NT5M: variants seen among roughly 807,000 people sequenced by gnomAD.
NT5M encodes 5'(3')-deoxyribonucleotidase, mitochondrial.
In NT5M, 22 loss-of-function variants were observed where a neutral mutation model predicts 22.2. That is an observed-to-expected ratio of 0.99 (90% CI 0.71 to 1.41). The LOEUF is 1.41. Among genes scored for constraint, NT5M ranks in the 40% most tolerant of loss-of-function variants. The pLI, the probability that NT5M is intolerant of heterozygous loss-of-function variation, is 0.00. For synonymous variants in NT5M, 167 were observed against 133.0 expected, an observed-to-expected ratio of 1.26 and a Z score of -1.76; for missense variants, 322 against 314.8, an observed-to-expected ratio of 1.02 and a Z score of -0.17.
chr17:17,336,549 CTTTTCTTTTTTT>C, intron 3 of NT5M, among the ~76,000 whole-genome samples: 1 of 145,686 alleles, frequency 6.9e-6, no homozygotes, highest in African/African-American at 2.5e-5. Flanking sequence ...ATTCTTTTTT[CTTTTCTTTTTTT>C]TTTTTTTTTG....
In NT5M at chr17:17,346,711, G is replaced by A. The variant is rs1375001061; in HGVS notation, c.545-94G>A. The stretch of plus-strand genomic sequence containing the variant: ...TTACAGAGGAAACAAGTTTTGGCAA[G>A]GCCAGATGCCTGCCTGGATACCCAG... On this transcript the variant is annotated intron_variant, in intron 4 of 4. Coordinates refer to ENST00000389022, the MANE Select transcript of NT5M (RefSeq NM_020201.4). The A allele has an allele frequency of 2.6e-6, 4 of 1,512,970 alleles. No homozygotes were observed. In the African/African-American group the frequency reaches 5.5e-5, roughly 21 times the overall value. The allele number at this position is 1,512,970 out of a possible 1,614,324, so 93.7% of individuals were successfully genotyped here.
intron 2 of NT5M, among the ~76,000 whole-genome samples, chr17:17,307,552 C>T (rs2048830958): frequency 4.5e-5 from 1 of 22,012 alleles, no homozygotes; most frequent in African/African-American, 1.1e-4. Flanking sequence ...CCAGCCTGGC[C>T]AACATGATGA....
intron 2 of NT5M, among the ~76,000 whole-genome samples, chr17:17,315,082 G>A (rs1331033187): frequency 1.3e-5 from 2 of 152,046 alleles, no homozygotes; most frequent in Admixed American, 1.3e-4. Flanking sequence ...CAAAATATTT[G>A]CCAAATGAAT....
chr17:17,345,133 A>T lies in NT5M; in HGVS notation c.544+225A>T, dbSNP rs184193693. On this transcript the variant is annotated intron_variant, in intron 4 of 4. Transcript: ENST00000389022. ...GGGTGCCAGCTCTAGGGTTAGCTTG[A>T]GGGGTGGCCTTGGGGAAGTCCCTTC... The T allele has an allele frequency of 3.0e-6, 3 of 995,864 alleles. No individual in the cohort carries two copies. The African/African-American group carries it at 4.9e-5, about 16-fold the overall frequency. 61.7% of individuals were successfully genotyped at this position (995,864 alleles called of 1,614,324 possible).
chr17:17,340,701 T>A (rs926771337), intron 3 of NT5M, among the ~76,000 whole-genome samples: 20 of 151,612 alleles, frequency 1.3e-4, no homozygotes, highest in African/African-American at 1.9e-4. Context: ...TTATTTTTGT[T>A]TTTTTAGTAG....
At chr17:17,307,403 C>T (rs1001459666) in intron 2 of NT5M, among the ~76,000 whole-genome samples, 10 of 151,478 alleles carry the variant, frequency 6.6e-5, no homozygotes, top group African/African-American at 2.4e-4. Flanking sequence ...GCAGGTGGAT[C>T]ACCTGAGGTC....
At chr17:17,323,273 C>T (rs1285695907) in intron 3 of NT5M, 28 bp downstream of exon 3, 2 of 1,599,064 alleles carry the variant, frequency 1.3e-6, no homozygotes, top group Non-Finnish European at 1.7e-6. Flanking sequence ...TCAGCTGAGC[C>T]CTTACCCCAT....
intron 3 of NT5M, among the ~76,000 whole-genome samples, chr17:17,343,965 G>A (rs2049702440): frequency 6.6e-6 from 1 of 152,170 alleles, no homozygotes; most frequent in South Asian, 2.1e-4. Context: ...ACCCCTGGCT[G>A]CACTGGGGTG....
intron 1 of NT5M, among the ~76,000 whole-genome samples, chr17:17,306,227 G>A (rs1489642053): frequency 6.6e-6 from 1 of 152,064 alleles, no homozygotes; most frequent in Non-Finnish European, 1.5e-5. Flanking sequence ...TTGGCCACTC[G>A]AATCCAGCCT....
At chr17:17,336,464 T>G (rs2145417334) in intron 3 of NT5M, among the ~76,000 whole-genome samples, 1 of 152,264 alleles carries the variant, frequency 6.6e-6, no homozygotes, top group East Asian at 1.9e-4. Flanking sequence ...TGTATAGCCC[T>G]TTCTGTGCCT....
intron 4 of NT5M, among the ~76,000 whole-genome samples, chr17:17,345,755 G>A (rs775523546): frequency 6.6e-6 from 1 of 152,132 alleles, no homozygotes; most frequent in Non-Finnish European, 1.5e-5. Context: ...AGGCTGCAGC[G>A]AGCTGTGATT....
chr17:17,305,921 T>G (rs1248427738), intron 1 of NT5M, among the ~76,000 whole-genome samples: 3 of 152,140 alleles, frequency 2.0e-5, no homozygotes, highest in Non-Finnish European at 2.9e-5. Context: ...TGAGCCTCAG[T>G]TTTCTGACAT....
chr17:17,335,264 A>ATT (rs760152460), intron 3 of NT5M, among the ~76,000 whole-genome samples: 1 of 148,310 alleles, frequency 6.7e-6, no homozygotes, highest in South Asian at 2.1e-4. Flanking sequence ...AATACAAGTG[A>ATT]TTTTTTTTTT....
At chr17:17,338,328 G>A (rs2049561684) in intron 3 of NT5M, among the ~76,000 whole-genome samples, 1 of 152,120 alleles carries the variant, frequency 6.6e-6, no homozygotes, top group African/African-American at 2.4e-5. Flanking sequence ...GAGTAGCTGG[G>A]ACTACAGGCA....
chr17:17,318,438 G>A (rs1428732431), intron 2 of NT5M, among the ~76,000 whole-genome samples: 1 of 138,114 alleles, frequency 7.2e-6, no homozygotes, highest in East Asian at 2.3e-4. Flanking sequence ...TCTAGATCGT[G>A]CCACTGAACT....
chr17:17,308,983 A>G (rs2048868137), intron 2 of NT5M, among the ~76,000 whole-genome samples: 2 of 152,166 alleles, frequency 1.3e-5, no homozygotes, highest in Admixed American at 1.3e-4. Flanking sequence ...TATGGATCTA[A>G]TGTATGGACT....
intron 3 of NT5M, among the ~76,000 whole-genome samples, chr17:17,324,334 A>G (rs1342510654): frequency 6.6e-6 from 1 of 151,342 alleles, no homozygotes; most frequent in Non-Finnish European, 1.5e-5. Context: ...AAATACGAAA[A>G]TCAGCTGGGT....
Position 17,347,439 on chromosome 17 carries a change from C to T in NT5M, c.*492C>T, listed in dbSNP as rs115548836. 1,282 of 166,582 alleles carry T rather than the reference C, an allele frequency of 7.7e-3. 29 individuals are homozygous for T. Among genetic ancestry groups the T allele is most frequent in the African/African-American group, 0.029 (1,226 of 41,676 alleles). The allele number at this position is 166,582 out of a possible 1,614,324, so 10.3% of individuals were successfully genotyped here. A position where few individuals can be genotyped will look rare whatever the true frequency, so the allele number is the denominator to read the frequency against. On this transcript the variant is annotated 3_prime_UTR_variant, in exon 5 of 5. Transcript: ENST00000389022. Reference sequence around the variant, plus strand: ...CCCTTATTCCAGCTGCCCTGCCCAACCTGCTCACCCCACATGACCTTCTGT... The same window carrying T: ...CCCTTATTCCAGCTGCCCTGCCCAATCTGCTCACCCCACATGACCTTCTGT...
intron 3 of NT5M, among the ~76,000 whole-genome samples, chr17:17,333,947 C>T (rs1331670802): frequency 6.6e-6 from 1 of 151,884 alleles, no homozygotes; most frequent in Non-Finnish European, 1.5e-5. Flanking sequence ...CATTCTCCTG[C>T]CTCAGCCTCC....
Sources: gnomAD v4.1 joint callset for allele counts (sites outside exome capture counted in the v4.1 genomes callset) on GRCh38, gnomAD v4.1.1 for gene constraint, MANE v1.5 for transcripts, NCBI Gene and HGNC (gene_info 2026-07-23, HGNC 2026-07-21) for gene names.